The following COL4A4 variants were observed in gnomAD, a reference collection of about 807,000 sequenced individuals.
COL4A4 encodes the protein collagen alpha-4(IV) chain.
A neutral mutation model predicts 192.9 loss-of-function variants in COL4A4; 105 were observed. The observed-to-expected ratio is 0.54, with a 90% confidence interval of 0.46 to 0.64. The LOEUF (loss-of-function observed/expected upper bound fraction) is 0.64, where lower values mean the gene tolerates loss of function less well. COL4A4 is among the 30% of genes least tolerant of loss of function. The probability of loss-of-function intolerance (pLI) is 0.00; values close to 1 mark genes in which losing one functional copy is unlikely to be tolerated. For synonymous variants in COL4A4, 762 were observed against 769.9 expected (o/e 0.99, Z 0.17); for missense variants, 1,967 against 2,169.3 (o/e 0.91, Z 1.85).
chr2:226,993,400 C>G, the COL4A4 span, among the ~76,000 whole-genome samples: 1 of 152,114 alleles, frequency 6.6e-6, no homozygotes, highest in African/African-American at 2.4e-5. Context: ...CAAGTCCTGG[C>G]CTGCACTCAC....
At chr2:227,028,781 G>A (rs1203456547) in intron 41 of COL4A4, among the ~76,000 whole-genome samples, 2 of 151,412 alleles carry the variant, frequency 1.3e-5, no homozygotes, top group East Asian at 1.9e-4. Flanking sequence ...TCAGCCTCCC[G>A]AGTAGCTGGG....
At position 227,043,397 on chromosome 2, in the gene COL4A4, C is replaced by T. The variant is rs182895101; in HGVS notation, c.3290-213G>A. On this transcript the variant is annotated intron_variant, in intron 35 of 47. Coordinates refer to ENST00000396625, the MANE Select transcript of COL4A4 (RefSeq NM_000092.5). The stretch of plus-strand genomic sequence containing the variant: ...AATTCTTCATATGTACATACATGTA[C>T]AGATAATACCCACAATTTTATATTC... Among the ~76,000 whole-genome samples the T allele has an allele frequency of 2.5e-4, 38 of 152,304 alleles. 1 individual carries two copies. In the East Asian group the frequency reaches 7.3e-3, roughly 29 times the overall value.
intron 20 of COL4A4, among the ~76,000 whole-genome samples, chr2:227,093,382 C>T (rs2060038911): frequency 6.6e-6 from 1 of 152,034 alleles, no homozygotes; most frequent in Admixed American, 6.5e-5. Context: ...ATTATTATTC[C>T]AGAGGTCACA....
chr2:227,031,024 T>C (rs1156367463), intron 40 of COL4A4, among the ~76,000 whole-genome samples: 1 of 111,480 alleles, frequency 9.0e-6, no homozygotes. Context: ...GATATGTGGA[T>C]AGATGGTTGG....
At chr2:227,121,932 C>A (rs1414417395) in intron 4 of COL4A4, among the ~76,000 whole-genome samples, 1 of 152,182 alleles carries the variant, frequency 6.6e-6, no homozygotes, top group Non-Finnish European at 1.5e-5. Context: ...AGGGAAACTG[C>A]CAGATCTTTT....
intron 5 of COL4A4, 63 bp from the exon 6 acceptor site, chr2:227,120,002 G>A (rs1165774442): frequency 3.2e-6 from 4 of 1,251,646 alleles, no homozygotes; most frequent in Non-Finnish European, 4.4e-6. Flanking sequence ...TGATTTACTT[G>A]AAAATAGTAA....
At chr2:227,046,517 A>G (rs1252199580) in intron 35 of COL4A4, among the ~76,000 whole-genome samples, 1 of 151,982 alleles carries the variant, frequency 6.6e-6, no homozygotes, top group East Asian at 1.9e-4. Flanking sequence ...GCATCTTTGT[A>G]CACTTGTCTG....
intron 27 of COL4A4, 35 bp downstream of exon 27, chr2:227,060,101 G>GAAAAGAAAA: frequency 2.0e-6 from 1 of 503,758 alleles, no homozygotes; most frequent in South Asian, 2.2e-5. Context: ...TCCCAAAGCA[G>GAAAAGAAAA]AAAAAAAAAA....
At chr2:227,146,519 T>C (rs1388643326) in intron 2 of COL4A4, among the ~76,000 whole-genome samples, 1 of 152,178 alleles carries the variant, frequency 6.6e-6, no homozygotes, top group East Asian at 1.9e-4. Context: ...CTCATATTGG[T>C]TTCCTGTTTT....
At chr2:227,103,855 G>A in intron 13 of COL4A4, 117 bp downstream of exon 13, 1 of 778,070 alleles carries the variant, frequency 1.3e-6, no homozygotes, top group Non-Finnish European at 2.2e-6. Context: ...ATTAAAGTAG[G>A]TTTGAAACTA....
chr2:227,086,732 C>A (rs2059621398), intron 22 of COL4A4, among the ~76,000 whole-genome samples: 1 of 152,168 alleles, frequency 6.6e-6, no homozygotes, highest in Admixed American at 6.5e-5. Flanking sequence ...AGCAACTCAA[C>A]AGGAAGCCGC....
At chr2:227,084,502 C>T (rs945781806) in intron 22 of COL4A4, among the ~76,000 whole-genome samples, 1 of 152,054 alleles carries the variant, frequency 6.6e-6, no homozygotes, top group African/African-American at 2.4e-5. Context: ...AGATCATAGA[C>T]TTATTTGAGC....
rs1185074167 is a variant in COL4A4, at chr2:227,164,109, T to A, written c.-204A>T. 1 of 152,202 alleles carries A rather than the reference T, an allele frequency of 6.6e-6. No individual in the cohort carries two copies. The highest frequency in any genetic ancestry group is 1.9e-4 in the East Asian group (1 of 5,148). 9.4% of individuals were successfully genotyped at this position (152,202 alleles called of 1,614,324 possible). On this transcript the variant is annotated 5_prime_UTR_variant, in exon 1 of 48. Coordinates refer to ENST00000396625, the MANE Select transcript of COL4A4 (RefSeq NM_000092.5). The surrounding 1 kb of genome is among the most constrained non-coding windows in gnomAD (Gnocchi z 4.8). ...GCGCCCCGCTGCCTCTTCGCGGCGC[T>A]CTCGCAGCCAAGCCCGGCGGCCGCA...
intron 24 of COL4A4, 40 bp downstream of exon 24, chr2:227,080,403 A>G (rs2059260554): frequency 1.3e-6 from 2 of 1,544,006 alleles, no homozygotes; most frequent in African/African-American, 1.4e-5. Context: ...TGACCATATA[A>G]GAAAGTGAAA....
intron 37 of COL4A4, among the ~76,000 whole-genome samples, chr2:227,035,625 C>T (rs979924355): frequency 1.1e-4 from 16 of 152,076 alleles, no homozygotes; most frequent in Admixed American, 9.8e-4. Context: ...TTCTCCAATC[C>T]TCTTTCCTAT....
Position 227,007,575 on chromosome 2 carries a change from C to G in COL4A4, c.4823G>C (p.Gly1608Ala). The change falls in exon 48 of 48, where the codon GGG becomes GCG. Residue 1608 changes from glycine to alanine, a missense_variant. Gly to Ala is a moderately conservative substitution (Grantham distance 60). Coordinates refer to ENST00000396625, the MANE Select transcript of COL4A4 (RefSeq NM_000092.5). Reference sequence around the variant, plus strand: ...AAGGGCCTGCCCTCCTCCTTGGTCCCCAGCTCCTGTGTGCTACCCAGAAAA... The same window carrying G: ...AAGGGCCTGCCCTCCTCCTTGGTCCGCAGCTCCTGTGTGCTACCCAGAAAA... Reference protein sequence around the residue: ...GYSFLMHTGAGDQGGGQALMS... With the variant: ...GYSFLMHTGAADQGGGQALMS... 1 of 1,612,584 alleles carries G rather than the reference C, an allele frequency of 6.2e-7. No homozygotes were observed. The highest frequency in any genetic ancestry group is 8.5e-7 in the Non-Finnish European group (1 of 1,180,034).
intron 25 of COL4A4, among the ~76,000 whole-genome samples, chr2:227,071,542 C>T (rs1028359378): frequency 6.6e-6 from 1 of 150,644 alleles, no homozygotes; most frequent in Non-Finnish European, 1.5e-5. Flanking sequence ...CACACTAGAG[C>T]AAATTAACTT....
the COL4A4 span, chr2:226,995,409 T>TC: frequency 2.7e-6 from 4 of 1,499,084 alleles, no homozygotes; most frequent in Admixed American, 6.7e-5. Context: ...GATTGATTTT[T>TC]CCTTTGGCTT....
At chr2:227,128,816 A>G (rs1297447741) in intron 4 of COL4A4, among the ~76,000 whole-genome samples, 1 of 152,026 alleles carries the variant, frequency 6.6e-6, no homozygotes, top group African/African-American at 2.4e-5. Context: ...CCACTGCCCC[A>G]TGCAACCGTC....
Sources: gnomAD v4.1 joint callset for allele counts (sites outside exome capture counted in the v4.1 genomes callset) on GRCh38, gnomAD v4.1.1 for gene constraint, Gnocchi (gnomAD v3.1) non-coding constraint, MANE v1.5 for transcripts, NCBI Gene and HGNC (gene_info 2026-07-23, HGNC 2026-07-21) for gene names.